The following TRPC4AP variants were observed in gnomAD, a reference collection of about 807,000 sequenced individuals.
TRPC4AP encodes the protein short transient receptor potential channel 4-associated protein.
A neutral mutation model predicts 99.0 loss-of-function variants in TRPC4AP; 45 were observed. The observed-to-expected ratio is 0.45, with a 90% CI of 0.36 to 0.58. The LOEUF is 0.58. TRPC4AP is among the 20% of genes least tolerant of loss of function. The pLI is 0.00. For synonymous variants in TRPC4AP, 408 were observed against 385.8 expected, an observed-to-expected ratio of 1.06 and a Z score of -0.67; for missense variants, 879 against 985.3, an observed-to-expected ratio of 0.89 and a Z score of 1.44.
intron 17 of TRPC4AP, 100 bp from the exon 18 acceptor site, chr20:35,003,716 G>T (rs1341760453): frequency 3.8e-6 from 5 of 1,310,098 alleles, no homozygotes; most frequent in Non-Finnish European, 5.2e-6. Flanking sequence ...GTGGCCCCAG[G>T]CCTCGGGCCA....
At chr20:35,012,531 A>C (rs2082661198) in intron 11 of TRPC4AP, among the ~76,000 whole-genome samples, 1 of 152,198 alleles carries the variant, frequency 6.6e-6, no homozygotes, top group Non-Finnish European at 1.5e-5. Flanking sequence ...TTTTCCTTGT[A>C]CATTCTCCAT....
intron 1 of TRPC4AP, 28 bp from the exon 2 acceptor site, chr20:35,078,202 T>C (rs2146016890): frequency 6.9e-6 from 11 of 1,605,198 alleles, no homozygotes; most frequent in Non-Finnish European, 9.4e-6. Flanking sequence ...AGAGAACATA[T>C]TATTGTATTA....
chr20:35,045,832 G>A (rs950730192), intron 6 of TRPC4AP, among the ~76,000 whole-genome samples: 5 of 151,770 alleles, frequency 3.3e-5, no homozygotes, highest in African/African-American at 4.8e-5. Context: ...GAGCTACCAC[G>A]CCTGGCCAAT....
At chr20:35,007,745 C>T (rs1271865692) in intron 13 of TRPC4AP, 105 bp from the exon 14 acceptor site, 21 of 1,138,196 alleles carry the variant, frequency 1.8e-5, no homozygotes, top group Non-Finnish European at 2.4e-5. Context: ...ATGTACTCAA[C>T]ATTTACTGAA....
chr20:35,025,683 C>T (rs191506226), intron 8 of TRPC4AP, among the ~76,000 whole-genome samples: 3 of 152,082 alleles, frequency 2.0e-5, no homozygotes, highest in Admixed American at 2.0e-4. Context: ...GCAAAGATGT[C>T]CCACCCTGCC....
chr20:35,026,591 G>A (rs1219600919), intron 8 of TRPC4AP, among the ~76,000 whole-genome samples: 1 of 152,112 alleles, frequency 6.6e-6, no homozygotes, highest in African/African-American at 2.4e-5. Context: ...CTCCATTTGT[G>A]CAAAGTAGTC....
In TRPC4AP at chr20:35,024,854, A is replaced by AAAT. The variant is rs1479270980; in HGVS notation, c.1052-3499_1052-3498insATT. On this transcript the variant is annotated intron_variant, in intron 8 of 18. Coordinates refer to ENST00000252015, the MANE Select transcript of TRPC4AP (RefSeq NM_015638.3). ...AAAAAAAAAAAAAAAAAAAAAAAAAAATTCTGTTTATTCATTAATCAGGTG... is the reference window on the plus strand; with the variant it reads ...AAAAAAAAAAAAAAAAAAAAAAAAAAAATATTCTGTTTATTCATTAATCAGGTG... Among the ~76,000 whole-genome samples the AAAT allele has an allele frequency of 1.0e-4, 9 of 89,476 alleles. 1 individual carries two copies. Among genetic ancestry groups the AAAT allele is most frequent in the African/African-American group, 2.7e-4 (7 of 25,576 alleles). 58.7% of individuals were successfully genotyped at this position (89,476 alleles called of 152,430 possible). A position where few individuals can be genotyped will look rare whatever the true frequency, so the allele number is the denominator to read the frequency against.
intron 9 of TRPC4AP, among the ~76,000 whole-genome samples, chr20:35,018,902 T>G (rs557162392): frequency 6.6e-6 from 1 of 151,126 alleles, no homozygotes; most frequent in African/African-American, 2.4e-5. Flanking sequence ...GAAAAGGCGA[T>G]GGGGGACGAT....
At chr20:35,084,518 A>C (rs2084751903) in intron 1 of TRPC4AP, among the ~76,000 whole-genome samples, 1 of 148,036 alleles carries the variant, frequency 6.8e-6, no homozygotes, top group African/African-American at 2.5e-5. Flanking sequence ...ATACGTATAT[A>C]TGTGTATATA....
chr20:35,045,636 T>A (rs1368433017), intron 6 of TRPC4AP, among the ~76,000 whole-genome samples: 2 of 152,080 alleles, frequency 1.3e-5, no homozygotes, highest in African/African-American at 4.8e-5. Context: ...CCTCCTGGGT[T>A]CAAGTGATTC....
chr20:35,047,483 A>C (rs1168572971), intron 6 of TRPC4AP, among the ~76,000 whole-genome samples: 1 of 152,224 alleles, frequency 6.6e-6, no homozygotes, highest in African/African-American at 2.4e-5. Flanking sequence ...CATTGTGTGA[A>C]GAAAGTACAT....
intron 8 of TRPC4AP, among the ~76,000 whole-genome samples, chr20:35,033,487 A>G (rs2083247913): frequency 6.6e-6 from 1 of 152,130 alleles, no homozygotes; most frequent in African/African-American, 2.4e-5. Context: ...TCCAGCTGTT[A>G]GGCTCTACTA....
At position 35,092,795 on chromosome 20, in the gene TRPC4AP, A is replaced by C; in HGVS notation, c.-14T>G. The C allele has an allele frequency of 1.3e-6, 2 of 1,517,766 alleles. No homozygotes were observed. Among genetic ancestry groups the C allele is most frequent in the South Asian group, 2.4e-5 (2 of 82,268 alleles). The allele number at this position is 1,517,766 out of a possible 1,614,324, so 94.0% of individuals were successfully genotyped here. A position where few individuals can be genotyped will look rare whatever the true frequency, so the allele number is the denominator to read the frequency against. On this transcript the variant is annotated 5_prime_UTR_variant, in exon 1 of 19. Coordinates refer to ENST00000252015, the MANE Select transcript of TRPC4AP (RefSeq NM_015638.3). Reference sequence around the variant, plus strand: ...CGCCGCCGCCATGTCTCCTCGTCGGACAAACAGGAAGCAAGCGGCCTCGGG... The same window carrying C: ...CGCCGCCGCCATGTCTCCTCGTCGGCCAAACAGGAAGCAAGCGGCCTCGGG...
At chr20:35,007,959 A>G (rs1345797209) in intron 13 of TRPC4AP, among the ~76,000 whole-genome samples, 1 of 152,182 alleles carries the variant, frequency 6.6e-6, no homozygotes, top group Non-Finnish European at 1.5e-5. Flanking sequence ...TTTCACAAGA[A>G]TGGGAGGACG....
At chr20:35,069,121 AT>A (rs1569140537) in intron 3 of TRPC4AP, among the ~76,000 whole-genome samples, 174 bp downstream of exon 3, 1 of 152,216 alleles carries the variant, frequency 6.6e-6, no homozygotes, top group African/African-American at 2.4e-5. Flanking sequence ...AAATAAATGA[AT>A]TCTTCTGAAG....
chr20:35,085,609 TAAAA>T (rs71196788), intron 1 of TRPC4AP, among the ~76,000 whole-genome samples: 1 of 137,622 alleles, frequency 7.3e-6, no homozygotes, highest in African/African-American at 2.7e-5. Flanking sequence ...AGACCCTGTC[TAAAA>T]AAAAAAAAAA....
At chr20:35,086,571 G>A (rs62213722) in intron 1 of TRPC4AP, among the ~76,000 whole-genome samples, 8,753 of 59,454 alleles carry the variant, frequency 0.15, 1,551 homozygotes, top group East Asian at 0.35. Context: ...GTGTGTGTGT[G>A]TGTGTATATA....
In TRPC4AP at chr20:35,003,228, G is replaced by A. The variant is rs777741923; in HGVS notation, c.2312C>T (p.Pro771Leu). The A allele has an allele frequency of 8.5e-5, 137 of 1,614,204 alleles. 1 individual carries two copies. In the South Asian group the frequency reaches 1.1e-3, roughly 13 times the overall value. Reference sequence around the variant, plus strand: ...GAGAGCAGAGGGTGACTGCCGGTCCGGGTTCAACAGGATGGACACTGTCTC... The same window carrying A: ...GAGAGCAGAGGGTGACTGCCGGTCCAGGTTCAACAGGATGGACACTGTCTC... ...WKETVSILLN[P>L]DRQSPSALVS... The change falls in exon 19 of 19, where the codon CCG becomes CTG. Residue 771 changes from proline to leucine, a missense_variant. By Grantham distance (98) the Pro-to-Leu change is moderately conservative. This residue lies in a region of TRPC4AP where 224 missense variants were observed against 264.7 expected (regional missense o/e 0.85). Transcript: ENST00000252015.
intron 3 of TRPC4AP, among the ~76,000 whole-genome samples, chr20:35,068,082 A>G (rs1486628065): frequency 1.3e-5 from 2 of 152,208 alleles, no homozygotes; most frequent in East Asian, 3.8e-4. Context: ...ACTGCTTAGT[A>G]AATACTTAAA....
Sources: allele counts gnomAD v4.1 joint callset (sites outside exome capture counted in the v4.1 genomes callset), GRCh38; gene constraint gnomAD v4.1.1; regional missense constraint gnomAD v4.1.1; transcripts MANE v1.5; gene names NCBI Gene and HGNC (gene_info 2026-07-23, HGNC 2026-07-21).